DGKI: variants seen among roughly 807,000 people sequenced by gnomAD.
The protein encoded by DGKI is DAG kinase iota.
DGKI carries 55 observed loss-of-function variants against 147.5 expected under a neutral mutation model. The observed-to-expected ratio is 0.37, with a 90% CI of 0.30 to 0.47. DGKI has a LOEUF of 0.47. Among genes scored for constraint, DGKI ranks in the 20% least tolerant of loss-of-function variants. The probability of loss-of-function intolerance (pLI) is 1.00; values close to 1 mark genes in which losing one functional copy is unlikely to be tolerated. For missense variants in DGKI, 1,007 were observed against 1,323.8 expected (o/e 0.76, Z 3.71); for synonymous variants, 469 against 477.1 (o/e 0.98, Z 0.22).
chr7:137,449,320 G>A (rs987085185), intron 27 of DGKI, among the ~76,000 whole-genome samples: 4 of 152,016 alleles, frequency 2.6e-5, no homozygotes, highest in Non-Finnish European at 4.4e-5. Context: ...ATAGAGAGCC[G>A]GAAAATAAAT....
chr7:137,586,963 G>A, intron 13 of DGKI, 134 bp downstream of exon 13: 1 of 592,420 alleles, frequency 1.7e-6, no homozygotes, highest in Non-Finnish European at 2.8e-6. Context: ...GGGCTCAAGG[G>A]CACTTTGATT....
intron 10 of DGKI, 114 bp from the exon 11 acceptor site, chr7:137,600,019 C>A: frequency 1.1e-6 from 1 of 916,356 alleles, no homozygotes; most frequent in East Asian, 2.7e-5. Context: ...CACGGTGGCA[C>A]ACGCCTGTAA....
At chr7:137,422,947 C>G (rs1294347826) in intron 28 of DGKI, among the ~76,000 whole-genome samples, 2 of 152,178 alleles carry the variant, frequency 1.3e-5, no homozygotes, top group Non-Finnish European at 2.9e-5. Context: ...TTACAGTACA[C>G]TGTAACATTC....
intron 20 of DGKI, among the ~76,000 whole-genome samples, chr7:137,549,664 T>C (rs902859260): frequency 6.6e-6 from 1 of 152,214 alleles, no homozygotes; most frequent in African/African-American, 2.4e-5. Context: ...ACACAATTGA[T>C]GGTCAAAGCA....
intron 1 of DGKI, among the ~76,000 whole-genome samples, chr7:137,730,640 A>G (rs1794850158): frequency 6.6e-6 from 1 of 152,144 alleles, no homozygotes; most frequent in South Asian, 2.1e-4. Flanking sequence ...TAAATGACAC[A>G]TATTTAAAGC....
chr7:137,457,192 C>A (rs1048669599), intron 27 of DGKI, among the ~76,000 whole-genome samples: 2 of 152,070 alleles, frequency 1.3e-5, no homozygotes, highest in Non-Finnish European at 2.9e-5. Context: ...TAGGTAGAAA[C>A]GGGACCCAAC....
At chr7:137,444,144 A>T in intron 27 of DGKI, 42 bp from the exon 28 acceptor site, 1 of 1,144,804 alleles carries the variant, frequency 8.7e-7, no homozygotes, top group Non-Finnish European at 1.2e-6. Context: ...TTATATGATA[A>T]TTATAATGAT....
At chr7:137,469,488 T>C (rs191276731) in intron 24 of DGKI, 62 bp downstream of exon 24, 203 of 1,548,654 alleles carry the variant, frequency 1.3e-4, no homozygotes, top group African/African-American at 5.6e-4. Flanking sequence ...ACCCTATCAA[T>C]TGATGCCTTG....
At chr7:137,690,973 C>T (rs183035015) in intron 1 of DGKI, among the ~76,000 whole-genome samples, 32 of 152,238 alleles carry the variant, frequency 2.1e-4, no homozygotes, top group African/African-American at 7.0e-4. Context: ...TAAACATGAG[C>T]GCTGATTTGT....
chr7:137,826,916 C>T (rs988663344), intron 1 of DGKI, among the ~76,000 whole-genome samples: 20 of 152,158 alleles, frequency 1.3e-4, no homozygotes, highest in Non-Finnish European at 2.5e-4. Flanking sequence ...ATGAGTTTCA[C>T]GTTCAAACTC....
In DGKI at chr7:137,755,686, G is replaced by A. The variant is rs79512912; in HGVS notation, c.402-65684C>T. ...GGAAAGGGGCTGTGAACATTGTGCA[G>A]GTCATGGGAAGGGCACTCCTCCTAT... On this transcript the variant is annotated intron_variant, in intron 1 of 32. Transcript: ENST00000614521. Among the ~76,000 whole-genome samples, 98 of 152,302 alleles carry A rather than the reference G, an allele frequency of 6.4e-4. No homozygotes were observed. The East Asian group carries it at 0.017, about 26-fold the overall frequency.
At chr7:137,795,882 A>C (rs2116942043) in intron 1 of DGKI, among the ~76,000 whole-genome samples, 1 of 152,334 alleles carries the variant, frequency 6.6e-6, no homozygotes, top group South Asian at 2.1e-4. Flanking sequence ...CTGACCACTA[A>C]GCTAACCAAG....
At chr7:137,688,874 G>C (rs1193857149) in intron 2 of DGKI, among the ~76,000 whole-genome samples, 1 of 152,090 alleles carries the variant, frequency 6.6e-6, no homozygotes, top group African/African-American at 2.4e-5. Flanking sequence ...CACTCTCAGG[G>C]TAACAATATC....
At chr7:137,483,307 T>G (rs932882662) in intron 23 of DGKI, among the ~76,000 whole-genome samples, 1 of 152,100 alleles carries the variant, frequency 6.6e-6, no homozygotes, top group Non-Finnish European at 1.5e-5. Flanking sequence ...CATATTTTGA[T>G]AAAGTTTTAA....
chr7:137,654,157 G>A (rs1822135126), intron 5 of DGKI, among the ~76,000 whole-genome samples: 1 of 152,080 alleles, frequency 6.6e-6, no homozygotes, highest in East Asian at 1.9e-4. Flanking sequence ...GAGGGTCAGG[G>A]ACTGAGAACT....
intron 32 of DGKI, 134 bp downstream of exon 32, chr7:137,395,464 T>G: frequency 1.4e-6 from 1 of 716,790 alleles, no homozygotes; most frequent in Middle Eastern, 2.4e-4. Context: ...CACTCTATTT[T>G]TTCCTCCTTT....
chr7:137,840,025 C>T (rs1798500590), intron 1 of DGKI, among the ~76,000 whole-genome samples: 1 of 152,178 alleles, frequency 6.6e-6, no homozygotes, highest in Non-Finnish European at 1.5e-5. Flanking sequence ...CCAATCACAG[C>T]CCCCTCCTTC....
At position 137,605,376 on chromosome 7, in the gene DGKI, A is replaced by T. The variant is rs1035761028; in HGVS notation, c.1167+3590T>A. On this transcript the variant is annotated intron_variant, in intron 10 of 32. Coordinates refer to ENST00000614521, the MANE Select transcript of DGKI (RefSeq NM_001321708.2). ...AAAATAAAATAAAATAAAATAAAAT[A>T]AAAAAAGTTGAAATTTTGGTCCCTG... 4.1e-5 allele frequency among the ~76,000 whole-genome samples: 6 copies of T among 146,208 alleles called. No individual in the cohort carries two copies. The South Asian group carries it at 6.3e-4, about 15-fold the overall frequency.
At chr7:137,815,847 C>T (rs1020854833) in intron 1 of DGKI, among the ~76,000 whole-genome samples, 7 of 152,164 alleles carry the variant, frequency 4.6e-5, no homozygotes, top group Non-Finnish European at 1.5e-5. Context: ...AAATGTGACT[C>T]TACTGCTCTT....
Sources: gnomAD v4.1 joint callset for allele counts (sites outside exome capture counted in the v4.1 genomes callset) on GRCh38, gnomAD v4.1.1 for gene constraint, MANE v1.5 for transcripts, NCBI Gene and HGNC (gene_info 2026-07-23, HGNC 2026-07-21) for gene names.